AMY2B: variants seen among roughly 807,000 people sequenced by gnomAD.
AMY2B encodes the protein alpha-amylase 2B.
In AMY2B, 63 loss-of-function variants were observed where a neutral mutation model predicts 59.3. The observed-to-expected ratio is 1.06, with a 90% confidence interval of 0.87 to 1.31. The LOEUF is 1.31. Ranked by LOEUF, AMY2B falls within the 50% of genes most tolerant of loss-of-function variation. The pLI is 0.00. For synonymous variants in AMY2B, 180 were observed against 198.1 expected, an observed-to-expected ratio of 0.91 and a Z score of 0.77; for missense variants, 635 against 626.7, an observed-to-expected ratio of 1.01 and a Z score of -0.14.
chr1:103,574,515 A>T, intron 5 of AMY2B, 122 bp downstream of exon 5: 1 of 1,564,290 alleles, frequency 6.4e-7, no homozygotes, highest in Non-Finnish European at 8.6e-7. Flanking sequence ...ATTGTTAATG[A>T]TAAGTATTCT....
rs1440654873 is a variant in AMY2B at position 103,574,403 on chromosome 1, T to A, written c.878+10T>A. The A allele has an allele frequency of 6.2e-7, 1 of 1,610,980 alleles. No homozygotes were observed. The highest frequency in any genetic ancestry group is 1.7e-5 in the Admixed American group (1 of 60,004). On this transcript the variant is annotated intron_variant, in intron 5 of 9. Transcript: ENST00000684275. ...AGATGTCTTACCTAAAGTAAATAAA[T>A]ACAACTTTTCCCCTGAAGTATTTCA... is the stretch of plus-strand genomic sequence containing the variant.
Position 103,559,964 on chromosome 1 carries a change from A to C in AMY2B, c.-207+4855A>C, listed in dbSNP as rs866623931. 2.3e-4 allele frequency among the ~76,000 whole-genome samples: 35 copies of C among 152,232 alleles called. 1 individual carries two copies. Among genetic ancestry groups the C allele is most frequent in the Admixed American group, 2.3e-3 (35 of 15,276 alleles). On this transcript the variant is annotated intron_variant, in intron 1 of 11. Transcript: ENST00000361355. ...TGTGTAAACATGTATACAGATGTTC[A>C]TTATAACACTTCTTATAACAACAAA...
intron 5 of AMY2B, 94 bp downstream of exon 5, chr1:103,574,487 A>G: frequency 6.3e-7 from 1 of 1,596,470 alleles, no homozygotes; most frequent in Non-Finnish European, 8.5e-7. Context: ...TCTTTTTCAG[A>G]CAACTATCAA....
chr1:103,572,975 T>A (rs966254444), intron 2 of AMY2B, 88 bp from the exon 3 acceptor site: 1 of 1,604,348 alleles, frequency 6.2e-7, no homozygotes, highest in African/African-American at 1.3e-5. Flanking sequence ...TTTTGGAGTT[T>A]TATTAACATA....
intron 1 of AMY2B, among the ~76,000 whole-genome samples, chr1:103,561,362 G>C (rs561980221): frequency 7.2e-5 from 11 of 152,144 alleles, no homozygotes; most frequent in African/African-American, 2.6e-4. Flanking sequence ...CCACCTCCTG[G>C]GTTCAAGCAA....
exon 1 of AMY2B, chr1:103,554,885 T>A (rs769683352): frequency 3.9e-5 from 6 of 152,382 alleles, no homozygotes; most frequent in Non-Finnish European, 7.4e-5. Context: ...ATAAATCAGT[T>A]TCTTTATAAG....
At chr1:103,573,684 A>G (rs748303306) in intron 3 of AMY2B, 24 bp from the exon 4 acceptor site, 18 of 1,612,986 alleles carry the variant, frequency 1.1e-5, no homozygotes, top group African/African-American at 2.7e-5. Context: ...TTATGAATCA[A>G]TCATAACATT....
Position 103,575,222 on chromosome 1 carries a change from G to A in AMY2B, c.879-1G>A. On this transcript the variant is annotated splice_acceptor_variant, in intron 5 of 9. Transcript: ENST00000684275. LOFTEE classifies it high-confidence loss of function. Reference sequence around the variant, plus strand: ...ACATATATCTTATTTTTCAAAAATAGGAACTGGGGAGAAGGTTGGGGTTTC... The same window carrying A: ...ACATATATCTTATTTTTCAAAAATAAGAACTGGGGAGAAGGTTGGGGTTTC... The A allele has an allele frequency of 6.2e-7, 1 of 1,613,466 alleles. No homozygotes were observed. The highest frequency in any genetic ancestry group is 8.5e-7 in the Non-Finnish European group (1 of 1,179,586).
chr1:103,563,765 A>C (rs1264649880), intron 1 of AMY2B, among the ~76,000 whole-genome samples: 2 of 152,132 alleles, frequency 1.3e-5, no homozygotes, highest in East Asian at 3.9e-4. Flanking sequence ...AACAGAGTTC[A>C]TTGATCTGGC....
rs760006351 is a variant in AMY2B, at chr1:103,571,659, A to T, written c.57A>T (p.Pro19=). The change falls in exon 1 of 10, where the codon CCA becomes CCT. Residue 19 remains proline, a synonymous_variant. Coordinates refer to ENST00000684275, the MANE Select transcript of AMY2B (RefSeq NM_001387437.1). ...TIGFCWAQYS[P]NTQQGRTSIV... ...GGTTCTGCTGGGCTCAGTATTCCCCAAATACACAACAAGGACGGACATCTA... is the reference window on the plus strand; with the variant it reads ...GGTTCTGCTGGGCTCAGTATTCCCCTAATACACAACAAGGACGGACATCTA... 5 of 1,611,946 alleles carry T rather than the reference A, an allele frequency of 3.1e-6. No homozygotes were observed. The highest frequency in any genetic ancestry group is 2.5e-6 in the Non-Finnish European group (3 of 1,179,812).
At chr1:103,567,367 C>T (rs1651944033), upstream of AMY2B, among the ~76,000 whole-genome samples, 1 of 152,152 alleles carries the variant, frequency 6.6e-6, no homozygotes, top group South Asian at 2.1e-4. Context: ...TCAGGATCGA[C>T]AGTGGAATAG....
upstream of AMY2B, among the ~76,000 whole-genome samples, chr1:103,567,805 C>T (rs1449166817): frequency 1.3e-5 from 2 of 152,186 alleles, no homozygotes; most frequent in Non-Finnish European, 2.9e-5. Flanking sequence ...CACCCTTTAT[C>T]ACATGTGCTC....
intron 7 of AMY2B, among the ~76,000 whole-genome samples, chr1:103,577,195 G>T (rs1327173180): frequency 6.6e-6 from 1 of 152,162 alleles, no homozygotes; most frequent in Non-Finnish European, 1.5e-5. Flanking sequence ...CTATGATTAT[G>T]CCACTGTACT....
intron 1 of AMY2B, 35 bp from the exon 2 acceptor site, chr1:103,572,075 G>C (rs765035689): frequency 6.2e-7 from 1 of 1,611,400 alleles, no homozygotes; most frequent in Non-Finnish European, 8.5e-7. Context: ...TATAGAGTAA[G>C]AATTTGGTAG....
rs1204600256 is a variant in AMY2B at position 103,573,277 on chromosome 1, G to C, written c.513+17G>C. 1.2e-6 allele frequency: 2 copies of C among 1,613,410 alleles called. No homozygotes were observed. The highest frequency in any genetic ancestry group is 1.7e-6 in the Non-Finnish European group (2 of 1,179,504). On this transcript the variant is annotated intron_variant, in intron 3 of 9. Coordinates refer to ENST00000684275, the MANE Select transcript of AMY2B (RefSeq NM_001387437.1). ...GCTACTCAGGTAAATTTTTTTATGA[G>C]AGTCATCTGAATAAGGGGTGATATA...
At chr1:103,576,603 A>G (rs1281331995) in intron 7 of AMY2B, among the ~76,000 whole-genome samples, 2 of 152,170 alleles carry the variant, frequency 1.3e-5, no homozygotes, top group Non-Finnish European at 2.9e-5. Context: ...GATTTTTTAA[A>G]GTGCCAATCA....
chr1:103,568,656 C>G (rs1651990953), upstream of AMY2B: 1 of 151,946 alleles, frequency 6.6e-6, no homozygotes. Context: ...TTTGAGAATT[C>G]AGTTGGCTTC....
chr1:103,575,176 C>G, intron 5 of AMY2B, 47 bp from the exon 6 acceptor site: 1 of 1,610,518 alleles, frequency 6.2e-7, no homozygotes, highest in Non-Finnish European at 8.5e-7. Context: ...TACTCGCAAA[C>G]TATTGTGAAA....
intron 1 of AMY2B, among the ~76,000 whole-genome samples, chr1:103,557,664 T>A (rs1357778029): frequency 6.6e-6 from 1 of 152,004 alleles, no homozygotes; most frequent in East Asian, 1.9e-4. Flanking sequence ...AAAAAGTATT[T>A]TACATAAGAA....
Sources: allele counts gnomAD v4.1 joint callset (sites outside exome capture counted in the v4.1 genomes callset), GRCh38; gene constraint gnomAD v4.1.1; transcripts MANE v1.5; gene names NCBI Gene and HGNC (gene_info 2026-07-23, HGNC 2026-07-21).